The following NALF1 variants were observed in gnomAD, a reference collection of about 807,000 sequenced individuals.
NALF1 encodes family with sequence similarity 155 member A.
In NALF1, 3 loss-of-function variants were observed where a neutral mutation model predicts 48.4. The observed-to-expected ratio is 0.06, with a 90% confidence interval of 0.03 to 0.16. The LOEUF is 0.16. Among genes scored for constraint, NALF1 ranks in the 10% least tolerant of loss-of-function variants. The pLI, the probability that NALF1 is intolerant of heterozygous loss-of-function variation, is 1.00. For missense variants in NALF1, 526 were observed against 571.5 expected, an observed-to-expected ratio of 0.92 and a Z score of 0.81; for synonymous variants, 262 against 245.7, an observed-to-expected ratio of 1.07 and a Z score of -0.62.
chr13:107,595,520 T>C (rs1878719443), intron 1 of NALF1, among the ~76,000 whole-genome samples: 1 of 152,184 alleles, frequency 6.6e-6, no homozygotes, highest in Admixed American at 6.5e-5. Flanking sequence ...TACACATGCT[T>C]CATTTCATAA....
At chr13:107,576,768 A>G (rs1465754394) in intron 1 of NALF1, among the ~76,000 whole-genome samples, 22 of 152,198 alleles carry the variant, frequency 1.4e-4, no homozygotes, top group Non-Finnish European at 3.2e-4. Context: ...ATGGGATGCC[A>G]TGTATTAAAA....
intron 1 of NALF1, among the ~76,000 whole-genome samples, chr13:107,697,497 T>C (rs1006489167): frequency 2.6e-5 from 4 of 152,186 alleles, no homozygotes; most frequent in Admixed American, 6.5e-5. Flanking sequence ...TATTCAATTG[T>C]GTTTTTCACC....
chr13:107,832,843 C>T (rs984953544), intron 1 of NALF1, among the ~76,000 whole-genome samples: 23 of 152,186 alleles, frequency 1.5e-4, no homozygotes, highest in Non-Finnish European at 7.3e-5. Flanking sequence ...CCGCAGAAGA[C>T]TGATCTTTCA....
chr13:107,251,556 C>T (rs143747910), intron 1 of NALF1, among the ~76,000 whole-genome samples: 18 of 152,124 alleles, frequency 1.2e-4, no homozygotes, highest in African/African-American at 4.3e-4. Context: ...GCTGAAGCCT[C>T]GGAGACGGGT....
Position 107,866,259 on chromosome 13 carries a change from G to T in NALF1, c.338C>A (p.Ser113Tyr), listed in dbSNP as rs1880715778. 6.3e-7 allele frequency: 1 copy of T among 1,595,274 alleles called. No individual in the cohort carries two copies. Among genetic ancestry groups the T allele is most frequent in the Admixed American group, 1.7e-5 (1 of 58,202 alleles). ...WPALLASMGE[S>Y]SPAAQAHRLL... ...TCTGTGTGCCTGGGCGGCGGGCGAG[G>T]ACTCCCCCATGCTCGCCAGGAGCGC... The change falls in exon 1 of 3, where the codon TCC (serine) becomes TAC (tyrosine). Residue 113 changes from serine to tyrosine, a missense_variant. Around this residue, in one of 2 missense-constraint regions of NALF1, gnomAD observed 373 missense variants for 355.5 expected, o/e 1.05. Coordinates refer to ENST00000375915, the MANE Select transcript of NALF1 (RefSeq NM_001080396.3). The surrounding 1 kb of genome is among the most constrained non-coding windows in gnomAD (Gnocchi z 4.4).
intron 1 of NALF1, among the ~76,000 whole-genome samples, chr13:107,536,593 G>C (rs939786127): frequency 6.6e-6 from 1 of 152,188 alleles, no homozygotes; most frequent in Non-Finnish European, 1.5e-5. Context: ...GAGCTGGAGA[G>C]GATGTGGAGA....
At chr13:107,844,128 T>C (rs568483124) in intron 1 of NALF1, among the ~76,000 whole-genome samples, 1 of 152,160 alleles carries the variant, frequency 6.6e-6, no homozygotes, top group Non-Finnish European at 1.5e-5. Context: ...GTTCTAAAAA[T>C]AGTTGATTAG....
chr13:107,569,410 T>C (rs1322538854), intron 1 of NALF1, among the ~76,000 whole-genome samples: 1 of 151,602 alleles, frequency 6.6e-6, no homozygotes, highest in East Asian at 1.9e-4. Flanking sequence ...GGGCGGAGCT[T>C]GCAGTGAGCC....
intron 1 of NALF1, among the ~76,000 whole-genome samples, chr13:107,696,331 C>T (rs1313995423): frequency 6.6e-6 from 1 of 152,192 alleles, no homozygotes; most frequent in Non-Finnish European, 1.5e-5. Flanking sequence ...ATTTCCAACA[C>T]CTTGCAAATG....
intron 1 of NALF1, among the ~76,000 whole-genome samples, chr13:107,782,595 T>C (rs1877927945): frequency 6.7e-6 from 1 of 149,530 alleles, no homozygotes; most frequent in Admixed American, 6.6e-5. Flanking sequence ...TGCCATCCCA[T>C]CTAGGAAGTG....
intron 1 of NALF1, among the ~76,000 whole-genome samples, chr13:107,464,270 C>T (rs564159138): frequency 6.6e-6 from 1 of 151,680 alleles, no homozygotes; most frequent in East Asian, 1.9e-4. Context: ...GCAACAAACA[C>T]TCAATAAAAG....
intron 1 of NALF1, among the ~76,000 whole-genome samples, chr13:107,841,600 T>C (rs1880043667): frequency 6.6e-6 from 1 of 150,444 alleles, no homozygotes; most frequent in South Asian, 2.1e-4. Context: ...TTATTGCCCA[T>C]ACAAAAGAGA....
chr13:107,266,377 C>T (rs977929643), intron 1 of NALF1, among the ~76,000 whole-genome samples: 1 of 152,176 alleles, frequency 6.6e-6, no homozygotes. Flanking sequence ...AGGTTGAGTG[C>T]TCTGTGTACA....
chr13:107,749,993 T>C (rs1220999365), intron 1 of NALF1, among the ~76,000 whole-genome samples: 3 of 152,142 alleles, frequency 2.0e-5, no homozygotes, highest in Non-Finnish European at 4.4e-5. Flanking sequence ...CTAATTTTTG[T>C]ATTTTTAGTA....
At chr13:107,432,557 T>C (rs1355748052) in intron 1 of NALF1, among the ~76,000 whole-genome samples, 2 of 152,160 alleles carry the variant, frequency 1.3e-5, no homozygotes, top group Non-Finnish European at 2.9e-5. Context: ...GATTGAAATA[T>C]GCATTCAAGA....
chr13:107,270,853 C>T (rs139096484), intron 1 of NALF1, among the ~76,000 whole-genome samples: 2,713 of 149,472 alleles, frequency 0.018, 28 homozygotes, highest in Non-Finnish European at 0.029. Flanking sequence ...TGTGATGTTC[C>T]CCTTCCTGTG....
intron 1 of NALF1, among the ~76,000 whole-genome samples, chr13:107,488,041 T>C (rs1885357151): frequency 2.0e-5 from 3 of 152,090 alleles, no homozygotes; most frequent in Admixed American, 1.3e-4. Flanking sequence ...TTATAGATTT[T>C]CTAGTTTATA....
At chr13:107,289,315 A>G (rs79041994) in intron 1 of NALF1, among the ~76,000 whole-genome samples, 2 of 152,198 alleles carry the variant, frequency 1.3e-5, no homozygotes, top group Admixed American at 1.3e-4. Flanking sequence ...CCACTAAAAT[A>G]TATGCTCTCT....
chr13:107,539,311 A>G (rs1486587148), intron 1 of NALF1, among the ~76,000 whole-genome samples: 3 of 151,950 alleles, frequency 2.0e-5, no homozygotes, highest in Admixed American at 6.6e-5. Context: ...ACAGAGCAAG[A>G]AGGAGAAGCA....
Sources: gnomAD v4.1 joint callset for allele counts (sites outside exome capture counted in the v4.1 genomes callset) on GRCh38, gnomAD v4.1.1 for gene constraint, gnomAD v4.1.1 regional missense constraint, Gnocchi (gnomAD v3.1) non-coding constraint, MANE v1.5 for transcripts, NCBI Gene and HGNC (gene_info 2026-07-23, HGNC 2026-07-21) for gene names.